Variants in FAR1 observed in about 807,000 individuals in gnomAD.
FAR1 encodes male sterility domain-containing protein 2.
A neutral mutation model predicts 61.1 loss-of-function variants in FAR1; 22 were observed. That is an observed-to-expected ratio of 0.36 (90% CI 0.26 to 0.51). The LOEUF is 0.51. FAR1 is among the 20% of genes least tolerant of loss of function. The probability of loss-of-function intolerance (pLI) is 0.95; values close to 1 mark genes in which losing one functional copy is unlikely to be tolerated. For missense variants in FAR1, 359 were observed against 626.9 expected (o/e 0.57, Z 4.56); for synonymous variants, 206 against 209.7 (o/e 0.98, Z 0.15).
intron 8 of FAR1, among the ~76,000 whole-genome samples, chr11:13,713,496 A>T (rs1372175839): frequency 2.0e-5 from 3 of 152,146 alleles, no homozygotes. Context: ...AACCTGTATT[A>T]ATCTATTTAA....
chr11:13,681,142 A>G (rs1294589440), intron 1 of FAR1, among the ~76,000 whole-genome samples: 3 of 152,228 alleles, frequency 2.0e-5, no homozygotes, highest in Non-Finnish European at 4.4e-5. Flanking sequence ...GAACATGGGA[A>G]TGTGAAATTC....
intron 1 of FAR1, among the ~76,000 whole-genome samples, chr11:13,679,926 C>T (rs770089518): frequency 5.0e-4 from 76 of 151,944 alleles, no homozygotes; most frequent in Non-Finnish European, 9.0e-4. Context: ...TCCTTACTAC[C>T]GAGAAGTGCC....
chr11:13,713,113 C>G (rs1848517618), intron 8 of FAR1, 80 bp downstream of exon 8: 11 of 1,263,820 alleles, frequency 8.7e-6, no homozygotes, highest in Non-Finnish European at 1.3e-5. Context: ...GTTAGAATAC[C>G]TATGAGGCAT....
intron 10 of FAR1, among the ~76,000 whole-genome samples, chr11:13,722,471 T>TTTTTTC (rs1848620688): frequency 6.6e-6 from 1 of 152,050 alleles, no homozygotes; most frequent in African/African-American, 2.4e-5. Context: ...CTCTAATTTT[T>TTTTTTC]TTTTTCTTTT....
At chr11:13,714,362 A>G in intron 8 of FAR1, 147 bp from the exon 9 acceptor site, 2 of 680,348 alleles carry the variant, frequency 2.9e-6, no homozygotes, top group Non-Finnish European at 4.8e-6. Context: ...TCTCTTAGCT[A>G]CTAGAGAGTA....
At chr11:13,674,266 G>A (rs57778454) in intron 1 of FAR1, among the ~76,000 whole-genome samples, 13,436 of 147,202 alleles carry the variant, frequency 0.091, 697 homozygotes, top group Middle Eastern at 0.13. Flanking sequence ...CCAAGATAGC[G>A]CCACTGCACT....
chr11:13,697,428 C>T (rs1460515657), intron 2 of FAR1, among the ~76,000 whole-genome samples: 1 of 151,812 alleles, frequency 6.6e-6, no homozygotes. Flanking sequence ...CGCCACTGCA[C>T]TCCAGCATGG....
chr11:13,702,222 A>G (rs1848384396), intron 3 of FAR1, among the ~76,000 whole-genome samples: 1 of 152,138 alleles, frequency 6.6e-6, no homozygotes, highest in African/African-American at 2.4e-5. Context: ...ATATATGTGT[A>G]GATGTATTTA....
chr11:13,717,241 G>A (rs539360909), intron 9 of FAR1, among the ~76,000 whole-genome samples: 24 of 151,974 alleles, frequency 1.6e-4, no homozygotes, highest in South Asian at 4.2e-4. Flanking sequence ...GTCAATTGGC[G>A]GATGACGCTC....
intron 2 of FAR1, among the ~76,000 whole-genome samples, chr11:13,695,591 A>G (rs1188257328): frequency 2.0e-5 from 3 of 152,334 alleles, no homozygotes; most frequent in East Asian, 1.9e-4. Context: ...GGAAGGCTAT[A>G]AGCTCAATTT....
chr11:13,671,424 G>T (rs142564656), intron 1 of FAR1, among the ~76,000 whole-genome samples: 220 of 152,292 alleles, frequency 1.4e-3, no homozygotes, highest in African/African-American at 5.1e-3. Flanking sequence ...TTTTATGTTG[G>T]TTAGGAGAGA....
At chr11:13,708,249 A>T (rs1848455926) in intron 4 of FAR1, among the ~76,000 whole-genome samples, 170 bp downstream of exon 4, 1 of 152,046 alleles carries the variant, frequency 6.6e-6, no homozygotes, top group African/African-American at 2.4e-5. Flanking sequence ...CTGTAGTCCC[A>T]GCTACTTAGG....
chr11:13,726,727 C>CTT (rs896994096), intron 10 of FAR1, among the ~76,000 whole-genome samples: 3 of 141,698 alleles, frequency 2.1e-5, no homozygotes, highest in Non-Finnish European at 3.1e-5. Context: ...GCTTCTCTTC[C>CTT]TTTTTTTTTT....
chr11:13,702,643 AT>A (rs1232123929), intron 3 of FAR1, among the ~76,000 whole-genome samples: 1 of 152,144 alleles, frequency 6.6e-6, no homozygotes, highest in Non-Finnish European at 1.5e-5. Context: ...GGCTTTTATT[AT>A]TTCCTTCATA....
chr11:13,669,938 T>A (rs1354149635), intron 1 of FAR1, among the ~76,000 whole-genome samples: 1 of 152,230 alleles, frequency 6.6e-6, no homozygotes, highest in Non-Finnish European at 1.5e-5. Flanking sequence ...TCAGAAAATC[T>A]GCCCTCCAGG....
chr11:13,715,638 T>C (rs970153339), intron 9 of FAR1, among the ~76,000 whole-genome samples: 8 of 152,318 alleles, frequency 5.3e-5, no homozygotes, highest in Admixed American at 2.6e-4. Context: ...AAAAAGTTAA[T>C]AATAAACAGA....
chr11:13,701,690 C>T (rs1848377538), intron 3 of FAR1, among the ~76,000 whole-genome samples: 1 of 152,016 alleles, frequency 6.6e-6, no homozygotes, highest in South Asian at 2.1e-4. Flanking sequence ...TGTGTTTTGC[C>T]TGTATTCCAG....
At chr11:13,669,697 CAA>C (rs1351401267) in intron 1 of FAR1, 2 of 152,066 alleles carry the variant, frequency 1.3e-5, no homozygotes, top group East Asian at 1.9e-4. Flanking sequence ...GCCAAATACT[CAA>C]AAGAGTTTTT....
chr11:13,722,959 C>CAT (rs1380135404), intron 10 of FAR1, among the ~76,000 whole-genome samples: 20 of 151,780 alleles, frequency 1.3e-4, no homozygotes, highest in Admixed American at 5.9e-4. Context: ...ATATATTCAG[C>CAT]ATACCTAGAA....
Sources: gnomAD v4.1 joint callset for allele counts (sites outside exome capture counted in the v4.1 genomes callset) on GRCh38, gnomAD v4.1.1 for gene constraint, MANE v1.5 for transcripts, NCBI Gene and HGNC (gene_info 2026-07-23, HGNC 2026-07-21) for gene names.